The following CATSPERD variants were observed in gnomAD, a reference collection of about 807,000 sequenced individuals.
The protein encoded by CATSPERD is cation channel sperm-associated auxiliary subunit delta.
Under a neutral mutation model 98.1 loss-of-function variants are expected in CATSPERD, and 86 were observed. The observed-to-expected ratio is 0.88, with a 90% CI of 0.74 to 1.05. The LOEUF is 1.05. CATSPERD is among the 50% of genes least tolerant of loss of function. CATSPERD has a pLI of 0.00. For missense variants in CATSPERD, 995 were observed against 1,005.7 expected (o/e 0.99, Z 0.14); for synonymous variants, 394 against 390.2 (o/e 1.01, Z -0.12).
chr19:5,745,558 T>C (rs1041956392), intron 8 of CATSPERD, among the ~76,000 whole-genome samples: 3 of 151,878 alleles, frequency 2.0e-5, no homozygotes, highest in African/African-American at 7.3e-5. Context: ...GAGATGGAGG[T>C]GGCAGTGAGC....
intron 14 of CATSPERD, among the ~76,000 whole-genome samples, chr19:5,758,730 G>A (rs10425482): frequency 0.032 from 4,834 of 151,006 alleles, 264 homozygotes; most frequent in African/African-American, 0.11. Flanking sequence ...GCGACAGAGC[G>A]AGACTCAGTC....
chr19:5,774,616 G>A (rs2056708194), intron 20 of CATSPERD, among the ~76,000 whole-genome samples: 1 of 152,188 alleles, frequency 6.6e-6, no homozygotes. Flanking sequence ...TTGAACCTAG[G>A]AGGTGAAGGT....
intron 14 of CATSPERD, 94 bp from the exon 15 acceptor site, chr19:5,758,992 C>A: frequency 8.9e-7 from 1 of 1,126,138 alleles, no homozygotes; most frequent in South Asian, 1.2e-5. Flanking sequence ...CCCCCCATGT[C>A]CCCTCCAACA....
intron 3 of CATSPERD, 79 bp downstream of exon 3, chr19:5,727,423 C>T: frequency 9.1e-7 from 1 of 1,094,808 alleles, no homozygotes; most frequent in Non-Finnish European, 1.4e-6. Flanking sequence ...GTTCAACAAA[C>T]AGTAAAGAAG....
At position 5,778,430 on chromosome 19, in the gene CATSPERD, G is replaced by A. The variant is rs755481666; in HGVS notation, c.2151G>A (p.Val717=). 5.4e-5 allele frequency: 87 copies of A among 1,613,798 alleles called. No individual in the cohort carries two copies. Among genetic ancestry groups the A allele is most frequent in the Non-Finnish European group, 6.9e-5 (82 of 1,180,026 alleles). Reference sequence around the variant, plus strand: ...TCTACGTGTATGGAGCATTCCCCGTGCAGCTGGTCTCTGCTGGAGTCGTCA... The same window carrying A: ...TCTACGTGTATGGAGCATTCCCCGTACAGCTGGTCTCTGCTGGAGTCGTCA... The part of the protein sequence containing the change: ...FSIYVYGAFP[V]QLVSAGVVIL... Residue 717 remains valine, a synonymous_variant, in exon 22 of 22, where the codon GTG becomes GTA. Transcript: ENST00000381624.
intron 18 of CATSPERD, among the ~76,000 whole-genome samples, chr19:5,769,293 CAAAAAA>C (rs35536683): frequency 6.7e-5 from 3 of 45,094 alleles, no homozygotes; most frequent in Non-Finnish European, 1.4e-4. Flanking sequence ...AACCTAGAGA[CAAAAAA>C]AAAAAAAAAA....
intron 1 of CATSPERD, 128 bp downstream of exon 1, chr19:5,720,936 C>T (rs2055449841): frequency 1.5e-6 from 1 of 688,246 alleles, no homozygotes; most frequent in Non-Finnish European, 2.4e-6. Context: ...AGGAATCGAA[C>T]TTGACGCCTC....
At position 5,757,903 on chromosome 19, in the gene CATSPERD, A is replaced by T. The variant is rs759623273; in HGVS notation, c.1339A>T (p.Thr447Ser). Reference protein sequence around the residue: ...FQATFYENGYTSDGNTKYKLD... With the variant: ...FQATFYENGYSSDGNTKYKLD... ...GGCCACCTTCTACGAGAACGGTTACACATCAGATGGGAACACCAAGTACAA... is the reference window on the plus strand; with the variant it reads ...GGCCACCTTCTACGAGAACGGTTACTCATCAGATGGGAACACCAAGTACAA... The change falls in exon 14 of 22, where the codon ACA (threonine) becomes TCA (serine). Residue 447 changes from threonine (T) to serine (S), a missense_variant. Physicochemically the swap from Thr to Ser is moderately conservative, Grantham distance 58. Coordinates refer to ENST00000381624, the MANE Select transcript of CATSPERD (RefSeq NM_152784.4). The T allele has an allele frequency of 2.5e-6, 4 of 1,613,166 alleles. No homozygotes were observed. Among genetic ancestry groups the T allele is most frequent in the Non-Finnish European group, 3.4e-6 (4 of 1,179,698 alleles).
At chr19:5,745,184 C>A (rs1168699345) in intron 8 of CATSPERD, among the ~76,000 whole-genome samples, 4 of 152,030 alleles carry the variant, frequency 2.6e-5, no homozygotes, top group African/African-American at 4.8e-5. Context: ...CTCAAGTAAC[C>A]CCCACCCTCC....
At chr19:5,733,608 T>C (rs1254182901) in intron 4 of CATSPERD, among the ~76,000 whole-genome samples, 1 of 151,770 alleles carries the variant, frequency 6.6e-6, no homozygotes, top group East Asian at 1.9e-4. Flanking sequence ...AGGCACCTGC[T>C]GCCACAACTG....
chr19:5,766,105 G>T lies in CATSPERD; in HGVS notation c.1509G>T (p.Ser503=). ...ATTTCTGTCTCTCTCCTCTGCAGTCGACACTGATTTCAGTTGGCTGCGACC... is the reference window on the plus strand; with the variant it reads ...ATTTCTGTCTCTCTCCTCTGCAGTCTACACTGATTTCAGTTGGCTGCGACC... ...EISCVDIKPL[S]TLISVGCDLD... The change falls in exon 17 of 22, where the codon TCG becomes TCT. Residue 503 remains serine, a splice_region_variant and synonymous_variant. Transcript: ENST00000381624. 1 of 1,612,644 alleles carries T rather than the reference G, an allele frequency of 6.2e-7. No individual in the cohort carries two copies. The highest frequency in any genetic ancestry group is 1.1e-5 in the South Asian group (1 of 90,924).
rs770222645 is a variant in CATSPERD, at chr19:5,766,095, C to T, written c.1507-8C>T. The T allele has an allele frequency of 2.5e-6, 4 of 1,611,950 alleles. No individual in the cohort carries two copies. The highest frequency in any genetic ancestry group is 1.7e-4 in the Middle Eastern group (1 of 6,050). On this transcript the variant is annotated splice_region_variant and splice_polypyrimidine_tract_variant and intron_variant, in intron 16 of 21. Coordinates refer to ENST00000381624, the MANE Select transcript of CATSPERD (RefSeq NM_152784.4). ...CTGGGTCCATATTTCTGTCTCTCTC[C>T]TCTGCAGTCGACACTGATTTCAGTT...
chr19:5,723,889 G>A (rs2055552095), intron 1 of CATSPERD, among the ~76,000 whole-genome samples: 1 of 151,568 alleles, frequency 6.6e-6, no homozygotes, highest in Non-Finnish European at 1.5e-5. Context: ...CGATTCTCCT[G>A]CCTCAGCCTC....
chr19:5,766,304 AAT>A, intron 17 of CATSPERD, 149 bp downstream of exon 17: 1 of 505,764 alleles, frequency 2.0e-6, no homozygotes. Flanking sequence ...AAAAAAAAAA[AAT>A]TAGGCGTGGT....
rs749276748 is a variant in CATSPERD, at chr19:5,771,060, C to G, written c.1751C>G (p.Pro584Arg). Residue 584 changes from proline to arginine, a missense_variant, in exon 19 of 22, where the codon CCC becomes CGC. Pro to Arg is a moderately radical substitution (Grantham distance 103, BLOSUM62 -2). Transcript: ENST00000381624. ...LLVYYDTLWK[P>R]VVELWRKDSF... ...GTCTACTATGACACCCTATGGAAGC[C>G]CGTGGTGGAGCTGTAAGACCCCAGG... 1 of 1,613,518 alleles carries G rather than the reference C, an allele frequency of 6.2e-7. No individual in the cohort carries two copies. Among genetic ancestry groups the G allele is most frequent in the South Asian group, 1.1e-5 (1 of 91,012 alleles).
chr19:5,745,833 AC>A, intron 8 of CATSPERD, 79 bp from the exon 9 acceptor site: 2 of 1,434,334 alleles, frequency 1.4e-6, no homozygotes, highest in Non-Finnish European at 1.9e-6. Context: ...TGCTAGCCAG[AC>A]TCCTCTTCCC....
chr19:5,746,886 A>G (rs549034575), intron 9 of CATSPERD, among the ~76,000 whole-genome samples: 1 of 151,760 alleles, frequency 6.6e-6, no homozygotes, highest in East Asian at 1.9e-4. Context: ...TTCTGCACCC[A>G]GGCTGGAATG....
chr19:5,723,011 A>C (rs1220456453), intron 1 of CATSPERD, among the ~76,000 whole-genome samples: 2 of 151,430 alleles, frequency 1.3e-5, no homozygotes, highest in Non-Finnish European at 2.9e-5. Flanking sequence ...ACACGGTGAA[A>C]CCTCGTCTCT....
chr19:5,778,198 A>C, intron 21 of CATSPERD, among the ~76,000 whole-genome samples, 178 bp from the exon 22 acceptor site: 1 of 134,752 alleles, frequency 7.4e-6, no homozygotes. Flanking sequence ...CAAGAGAGGG[A>C]CTCCGACTCA....
Sources: gnomAD v4.1 joint callset for allele counts (sites outside exome capture counted in the v4.1 genomes callset) on GRCh38, gnomAD v4.1.1 for gene constraint, MANE v1.5 for transcripts, NCBI Gene and HGNC (gene_info 2026-07-23, HGNC 2026-07-21) for gene names.